The following BBS9 variants were observed in gnomAD, a reference collection of about 807,000 sequenced individuals.
BBS9 encodes Bardet-Biedl syndrome 9.
In BBS9, 89 loss-of-function variants were observed where a neutral mutation model predicts 117.7. The ratio of observed to expected loss-of-function variants is 0.76; its 90% CI spans 0.64 to 0.90. The LOEUF is 0.90. Ranked by LOEUF, BBS9 falls within the 40% of genes least tolerant of loss-of-function variation. The pLI is 0.00. For synonymous variants in BBS9, 379 were observed against 370.9 expected, an observed-to-expected ratio of 1.02 and a Z score of -0.25; for missense variants, 982 against 1,042.2, an observed-to-expected ratio of 0.94 and a Z score of 0.80.
intron 5 of BBS9, among the ~76,000 whole-genome samples, chr7:33,242,203 T>G (rs1396852744): frequency 6.6e-6 from 1 of 151,672 alleles, no homozygotes. Flanking sequence ...CTAGGATAGA[T>G]TTTTTTTTCC....
intron 2 of BBS9, among the ~76,000 whole-genome samples, chr7:33,148,854 G>A (rs2128100851): frequency 6.6e-6 from 1 of 151,094 alleles, no homozygotes; most frequent in Non-Finnish European, 1.5e-5. Flanking sequence ...AACTTCCTGG[G>A]CTCAAGTGAT....
At chr7:33,489,887 T>A (rs1004226435) in intron 19 of BBS9, among the ~76,000 whole-genome samples, 8 of 152,216 alleles carry the variant, frequency 5.3e-5, no homozygotes, top group Non-Finnish European at 1.2e-4. Flanking sequence ...TGTTATTTTA[T>A]CCAAATTCAG....
chr7:33,327,118 T>A (rs1672056359), intron 9 of BBS9, among the ~76,000 whole-genome samples: 1 of 152,190 alleles, frequency 6.6e-6, no homozygotes, highest in Admixed American at 6.5e-5. Context: ...CAGAACACTT[T>A]ACCTGCAGTG....
intron 19 of BBS9, among the ~76,000 whole-genome samples, chr7:33,439,516 T>C (rs1039971796): frequency 6.9e-5 from 10 of 144,098 alleles, no homozygotes; most frequent in Non-Finnish European, 1.5e-4. Flanking sequence ...TTTTCCACTT[T>C]TTCTCTTTTT....
At chr7:33,492,202 C>CG (rs1356794752) in intron 19 of BBS9, among the ~76,000 whole-genome samples, 6 of 41,094 alleles carry the variant, frequency 1.5e-4, no homozygotes, top group Non-Finnish European at 2.5e-4. Context: ...GATTCCACCT[C>CG]GAAAAAAAAA....
rs761809109 is a variant in BBS9, at chr7:33,605,183, C to CT, written c.2633-5dup. The CT allele has an allele frequency of 9.9e-6, 16 of 1,608,886 alleles. No homozygotes were observed. The Admixed American group carries it at 1.3e-4, about 13-fold the overall frequency. ...TTTCTCTCTCTTTCTCTCTTACTCT[C>CT]TTTTTTTCCAGAAGTTTCACCCCTC... is the stretch of plus-strand genomic sequence containing the variant. On this transcript the variant is annotated splice_polypyrimidine_tract_variant and intron_variant, in intron 22 of 22. Coordinates refer to ENST00000242067, the MANE Select transcript of BBS9 (RefSeq NM_198428.3).
chr7:33,575,589 G>A (rs1024144261), intron 21 of BBS9, among the ~76,000 whole-genome samples: 1 of 152,038 alleles, frequency 6.6e-6, no homozygotes, highest in African/African-American at 2.4e-5. Context: ...ACCAAAGCCT[G>A]GCAGAGACAC....
At chr7:33,449,543 G>A (rs966579828) in intron 19 of BBS9, among the ~76,000 whole-genome samples, 12 of 152,116 alleles carry the variant, frequency 7.9e-5, no homozygotes, top group Non-Finnish European at 1.2e-4. Context: ...GAAGCCAGCC[G>A]TGAGGGCTTG....
At chr7:33,565,778 G>T (rs1256423043) in intron 21 of BBS9, among the ~76,000 whole-genome samples, 3 of 64,320 alleles carry the variant, frequency 4.7e-5, no homozygotes, top group African/African-American at 2.0e-4. Context: ...AAGGCTATCA[G>T]TAGTATATAT....
At chr7:33,219,575 A>C (rs748182041) in intron 5 of BBS9, among the ~76,000 whole-genome samples, 18 of 152,132 alleles carry the variant, frequency 1.2e-4, no homozygotes, top group Non-Finnish European at 7.4e-5. Flanking sequence ...TTGTGAATGC[A>C]CCAATTGACA....
chr7:33,448,735 G>T (rs1441691422), intron 19 of BBS9, among the ~76,000 whole-genome samples: 1 of 152,180 alleles, frequency 6.6e-6, no homozygotes, highest in Non-Finnish European at 1.5e-5. Context: ...ATCAGAACTG[G>T]TGCCAAATCT....
At position 33,367,848 on chromosome 7, in the gene BBS9, C is replaced by G; in HGVS notation, c.1775C>G (p.Ala592Gly). The G allele has an allele frequency of 6.2e-7, 1 of 1,613,710 alleles. No homozygotes were observed. The highest frequency in any genetic ancestry group is 8.5e-7 in the Non-Finnish European group (1 of 1,179,728). Reference protein sequence around the residue: ...FLGGARITVLASKTSQRYRIQ... With the variant: ...FLGGARITVLGSKTSQRYRIQ... ...GGAGGTGCTCGAATTACTGTTCTTG[C>G]TTCCAAAACTTCTCGTAAGTAAAAC... is the stretch of plus-strand genomic sequence containing the variant. Residue 592 changes from alanine (A) to glycine (G), a missense_variant, in exon 17 of 23, where the codon GCT becomes GGT. Transcript: ENST00000242067.
At chr7:33,418,678 A>G (rs1832390301) in intron 19 of BBS9, among the ~76,000 whole-genome samples, 1 of 152,148 alleles carries the variant, frequency 6.6e-6, no homozygotes, top group South Asian at 2.1e-4. Flanking sequence ...GTTTGAAAGC[A>G]TCTTGTAGCC....
chr7:33,630,156 A>T (rs544338685), intron 21 of BBS9, among the ~76,000 whole-genome samples: 2 of 152,350 alleles, frequency 1.3e-5, no homozygotes, highest in African/African-American at 4.8e-5. Context: ...TTGTCAAATA[A>T]TGATTAAAAC....
chr7:33,261,769 G>A (rs1483372775), intron 6 of BBS9, among the ~76,000 whole-genome samples: 1 of 152,180 alleles, frequency 6.6e-6, no homozygotes, highest in East Asian at 1.9e-4. Context: ...AGCATTTGTG[G>A]TTAGTGAGTC....
In BBS9 at chr7:33,343,684, A is replaced by G. The variant is rs80330666; in HGVS notation, c.1276-897A>G. Among the ~76,000 whole-genome samples the G allele has an allele frequency of 0.02, 2,999 of 152,110 alleles. 203 individuals are homozygous for G. The East Asian group carries it at 0.26, about 13-fold the overall frequency. ...CAGCTAATTTTTGTATTTTTAGTAG[A>G]GACGGGGTTTCATCATGTTGGCCAG... On this transcript the variant is annotated intron_variant, in intron 11 of 22. Coordinates refer to ENST00000242067, the MANE Select transcript of BBS9 (RefSeq NM_198428.3).
At chr7:33,247,032 A>AC (rs1246378938) in intron 5 of BBS9, among the ~76,000 whole-genome samples, 3 of 149,308 alleles carry the variant, frequency 2.0e-5, no homozygotes, top group Non-Finnish European at 3.0e-5. Flanking sequence ...AAGTCTTAAA[A>AC]CCCCCCCATT....
chr7:33,560,566 C>T (rs891064248), intron 21 of BBS9, among the ~76,000 whole-genome samples: 12 of 152,176 alleles, frequency 7.9e-5, no homozygotes, highest in African/African-American at 2.7e-4. Flanking sequence ...TAAAACAGTG[C>T]TGCTGCTTAC....
intron 21 of BBS9, among the ~76,000 whole-genome samples, chr7:33,578,787 A>T (rs1859380454): frequency 6.6e-6 from 1 of 152,180 alleles, no homozygotes; most frequent in Non-Finnish European, 1.5e-5. Flanking sequence ...TCTATCCCAT[A>T]TCAGTATATA....
Sources: gnomAD v4.1 joint callset for allele counts (sites outside exome capture counted in the v4.1 genomes callset) on GRCh38, gnomAD v4.1.1 for gene constraint, MANE v1.5 for transcripts, NCBI Gene and HGNC (gene_info 2026-07-23, HGNC 2026-07-21) for gene names.